The following BCL11B variants were observed in gnomAD, a reference collection of about 807,000 sequenced individuals.
BCL11B encodes the protein BCL11 transcription factor B.
BCL11B carries 8 observed loss-of-function variants against 49.9 expected under a neutral mutation model. The ratio of observed to expected loss-of-function variants is 0.16; its 90% confidence interval spans 0.09 to 0.29. The LOEUF is 0.29. BCL11B is among the 10% of genes least tolerant of loss of function. The pLI, the probability that BCL11B is intolerant of heterozygous loss-of-function variation, is 1.00. For synonymous variants in BCL11B, 739 were observed against 637.4 expected (o/e 1.16, Z -2.40); for missense variants, 1,006 against 1,351.0 (o/e 0.74, Z 4.00).
intron 2 of BCL11B, among the ~76,000 whole-genome samples, chr14:99,234,880 A>AAAAAAAAAG (rs143975117): frequency 4.2e-5 from 5 of 119,936 alleles, no homozygotes; most frequent in Admixed American, 9.2e-5. Flanking sequence ...AAAAAAAAAA[A>AAAAAAAAAG]GTCTAAAAAT....
Position 99,213,322 on chromosome 14 carries a change from G to A in BCL11B, c.640+18023C>T, listed in dbSNP as rs1887740029. 6.6e-6 allele frequency among the ~76,000 whole-genome samples: 1 copy of A among 152,162 alleles called. No homozygotes were observed. Among genetic ancestry groups the A allele is most frequent in the African/African-American group, 2.4e-5 (1 of 41,432 alleles). ...TCTCAAGTGCAGCAGACACAGCCCCGACTAATCAGACAGCAGAGGCTGCCA... is the reference window on the plus strand; with the variant it reads ...TCTCAAGTGCAGCAGACACAGCCCCAACTAATCAGACAGCAGAGGCTGCCA... On this transcript the variant is annotated intron_variant, in intron 3 of 3. Coordinates refer to ENST00000357195, the MANE Select transcript of BCL11B (RefSeq NM_138576.4). This position sits in a 1 kb window ranked among gnomAD's most constrained non-coding sequence, Gnocchi z 5.1.
chr14:99,180,073 C>T (rs537410754), intron 3 of BCL11B, among the ~76,000 whole-genome samples: 3 of 152,176 alleles, frequency 2.0e-5, no homozygotes, highest in Non-Finnish European at 2.9e-5. Flanking sequence ...CTCCCCTTCC[C>T]GGGACCAGAT....
intron 3 of BCL11B, among the ~76,000 whole-genome samples, chr14:99,212,148 A>T (rs1356623412): frequency 6.6e-6 from 1 of 152,162 alleles, no homozygotes; most frequent in Non-Finnish European, 1.5e-5. Flanking sequence ...CCTCCTACCC[A>T]GGGATTCACC....
chr14:99,234,004 T>G (rs893605720), intron 2 of BCL11B, among the ~76,000 whole-genome samples: 1 of 151,966 alleles, frequency 6.6e-6, no homozygotes, highest in Non-Finnish European at 1.5e-5. Context: ...CCAGAGCCCT[T>G]CCCAAGGGTG....
chr14:99,258,898 T>TC, intron 1 of BCL11B, among the ~76,000 whole-genome samples: 1 of 152,092 alleles, frequency 6.6e-6, no homozygotes, highest in South Asian at 2.1e-4. Flanking sequence ...TCTTGGGTTT[T>TC]TTTTGTGGGG....
At chr14:99,216,831 TCA>T (rs955285071) in intron 3 of BCL11B, among the ~76,000 whole-genome samples, 38 of 151,918 alleles carry the variant, frequency 2.5e-4, no homozygotes, top group African/African-American at 9.2e-4. Context: ...ACATACATGC[TCA>T]CACACAAAAA....
rs114937453 is a variant in BCL11B at position 99,183,644 on chromosome 14, G to A, written c.641-7449C>T. Among the ~76,000 whole-genome samples the A allele has an allele frequency of 2.0e-3, 298 of 152,136 alleles. 3 individuals carry two copies. The highest frequency in any genetic ancestry group is 6.8e-3 in the African/African-American group (284 of 41,498). The stretch of plus-strand genomic sequence containing the variant: ...GTCGTTCGCTGTAGGATGAGGGCTC[G>A]TCGTGGTAAAATACCCCAAATAGGG... On this transcript the variant is annotated intron_variant, in intron 3 of 3. Transcript: ENST00000357195.
chr14:99,266,692 A>G (rs1889492571), intron 1 of BCL11B, among the ~76,000 whole-genome samples: 1 of 152,218 alleles, frequency 6.6e-6, no homozygotes, highest in Admixed American at 6.5e-5. Flanking sequence ...TTCCTAGCCC[A>G]TTGTAGCGGA....
At chr14:99,199,693 CGCGCACGTGCACGTGTGT>C (rs1241571186) in intron 3 of BCL11B, among the ~76,000 whole-genome samples, 2 of 62,414 alleles carry the variant, frequency 3.2e-5, no homozygotes, top group Admixed American at 1.6e-4. Flanking sequence ...TGCGCGCGCG[CGCGCACGTGCACGTGTGT>C]GCGTGTGTGC....
At chr14:99,208,568 G>A (rs991708279) in intron 3 of BCL11B, among the ~76,000 whole-genome samples, 2 of 152,188 alleles carry the variant, frequency 1.3e-5, no homozygotes, top group Admixed American at 6.5e-5. Context: ...AAGCAAGACC[G>A]AGCACGGGGC....
chr14:99,217,195 C>T (rs1209597901), intron 3 of BCL11B, among the ~76,000 whole-genome samples: 1 of 152,162 alleles, frequency 6.6e-6, no homozygotes, highest in Non-Finnish European at 1.5e-5. Flanking sequence ...CACATGTATA[C>T]ACATGCATGC....
Position 99,271,758 on chromosome 14 carries a change from AAAG to A in BCL11B, c.-543_-541del, listed in dbSNP as rs1889698183. Among the ~76,000 whole-genome samples the A allele has an allele frequency of 6.6e-6, 1 of 151,314 alleles. No individual in the cohort carries two copies. The highest frequency in any genetic ancestry group is 1.9e-4 in the East Asian group (1 of 5,194). On this transcript the variant is annotated 5_prime_UTR_variant, in exon 1 of 4. Transcript: ENST00000357195. ...AAAAATGCAAACAAATAAAAAAATA[AAAG>A]AAGAAAAAGCAAAGGAAAAAAAAAA...
At chr14:99,264,392 TG>T (rs567990187) in intron 1 of BCL11B, 38 of 152,312 alleles carry the variant, frequency 2.5e-4, no homozygotes, top group African/African-American at 8.7e-4. Flanking sequence ...TTCTGCGTGT[TG>T]TTTTAGTAGA....
intron 3 of BCL11B, among the ~76,000 whole-genome samples, chr14:99,218,712 G>A (rs1887925654): frequency 6.6e-6 from 1 of 152,068 alleles, no homozygotes; most frequent in Admixed American, 6.5e-5. Context: ...GAGGCATGCA[G>A]AGAAGATTGG....
rs920225556 is a variant in BCL11B at position 99,171,460 on chromosome 14, A to G, written c.*2691T>C. The G allele has an allele frequency of 4.7e-6, 1 of 210,654 alleles. No individual in the cohort carries two copies. The highest frequency in any genetic ancestry group is 9.6e-6 in the Non-Finnish European group (1 of 103,684). The allele number at this position is 210,654 out of a possible 1,614,324, so 13.0% of individuals were successfully genotyped here. Reference sequence around the variant, plus strand: ...TTTCCAAATTCACTAACAAAAAGGTACATTAAATCCCTTTAAAAGGACAAG... The same window carrying G: ...TTTCCAAATTCACTAACAAAAAGGTGCATTAAATCCCTTTAAAAGGACAAG... On this transcript the variant is annotated 3_prime_UTR_variant, in exon 4 of 4. Coordinates refer to ENST00000357195, the MANE Select transcript of BCL11B (RefSeq NM_138576.4).
Position 99,257,793 on chromosome 14 carries a change from A to G in BCL11B, c.105T>C (p.Gly35=). Residue 35 remains glycine, a synonymous_variant, in exon 2 of 4, where the codon GGT becomes GGC. Transcript: ENST00000357195. This position sits in a 1 kb window ranked among gnomAD's most constrained non-coding sequence, Gnocchi z 6.2. ...GGCCACTTGGCTCCTCTATCTCCAG[A>G]CCCTCGTCTTCTTCGAGGATGGCGG... The part of the protein sequence containing the change: ...VEAAILEEDE[G]LEIEEPSGLG... The G allele has an allele frequency of 6.4e-7, 1 of 1,564,532 alleles. No homozygotes were observed. The highest frequency in any genetic ancestry group is 8.7e-7 in the Non-Finnish European group (1 of 1,153,472).
At chr14:99,207,939 C>T (rs952262491) in intron 3 of BCL11B, among the ~76,000 whole-genome samples, 5 of 152,156 alleles carry the variant, frequency 3.3e-5, no homozygotes, top group African/African-American at 1.2e-4. Context: ...AGTAACAGGC[C>T]CCTGAGTCTC....
In BCL11B at chr14:99,175,775, A is replaced by G; in HGVS notation, c.1061T>C (p.Met354Thr). The G allele has an allele frequency of 1.4e-6, 2 of 1,471,072 alleles. No homozygotes were observed. Among genetic ancestry groups the G allele is most frequent in the Admixed American group, 5.2e-5 (2 of 38,772 alleles). 91.1% of individuals were successfully genotyped at this position (1,471,072 alleles called of 1,614,324 possible). ...AFDRVMRLNP[M>T]AIDSPAMDFS... ...GTCCATGGCGGGCGAGTCGATGGCC[A>G]TGGGGTTCAGGCGCATGACTCGGTC... is the stretch of plus-strand genomic sequence containing the variant. The change falls in exon 4 of 4, where the codon ATG (methionine) becomes ACG (threonine). Residue 354 changes from methionine to threonine, a missense_variant. Met to Thr is a moderately conservative substitution (Grantham distance 81). Coordinates refer to ENST00000357195, the MANE Select transcript of BCL11B (RefSeq NM_138576.4).
In BCL11B at chr14:99,262,415, T is replaced by A. The variant is rs1467640770; in HGVS notation, c.59-4576A>T. Among the ~76,000 whole-genome samples the A allele has an allele frequency of 6.6e-6, 1 of 152,158 alleles. No individual in the cohort carries two copies. ...CTGCATTAATTCAAATCCAACTCTC[T>A]TATCTTTAATGGCTAAGCTACAGTC... On this transcript the variant is annotated intron_variant, in intron 1 of 3. Transcript: ENST00000357195. This position sits in a 1 kb window ranked among gnomAD's most constrained non-coding sequence, Gnocchi z 4.2.
Sources: allele counts gnomAD v4.1 joint callset (sites outside exome capture counted in the v4.1 genomes callset), GRCh38; gene constraint gnomAD v4.1.1; non-coding constraint Gnocchi (gnomAD v3.1); transcripts MANE v1.5; gene names NCBI Gene and HGNC (gene_info 2026-07-23, HGNC 2026-07-21).